Variants in DNM3 observed in about 807,000 individuals in gnomAD.
The protein encoded by DNM3 is dynamin-3.
Under a neutral mutation model 101.6 loss-of-function variants are expected in DNM3, and 47 were observed. That is an observed-to-expected ratio of 0.46 (90% CI 0.37 to 0.59). DNM3 has a LOEUF of 0.59. Ranked by LOEUF, DNM3 falls within the 20% of genes least tolerant of loss-of-function variation. The pLI is 0.00. For synonymous variants in DNM3, 385 were observed against 387.9 expected (o/e 0.99, Z 0.09); for missense variants, 849 against 1,085.7 (o/e 0.78, Z 3.06).
chr1:172,253,505 C>T, intron 14 of DNM3, 68 bp from the exon 15 acceptor site: 2 of 496,364 alleles, frequency 4.0e-6, no homozygotes, highest in Non-Finnish European at 6.2e-6. Flanking sequence ...CTCTCCTCTC[C>T]TCTCCTCTCC....
chr1:172,330,019 T>A (rs544840287), intron 17 of DNM3, among the ~76,000 whole-genome samples: 10 of 152,350 alleles, frequency 6.6e-5, no homozygotes, highest in African/African-American at 2.4e-4. Flanking sequence ...CCTCCTTGTG[T>A]ACCACACATG....
At chr1:172,155,143 G>A (rs912104784) in intron 14 of DNM3, among the ~76,000 whole-genome samples, 12 of 151,996 alleles carry the variant, frequency 7.9e-5, no homozygotes, top group Non-Finnish European at 1.5e-4. Context: ...AAGATAAAAT[G>A]TATTGTGATT....
intron 14 of DNM3, among the ~76,000 whole-genome samples, chr1:172,185,453 T>C (rs890684483): frequency 6.6e-6 from 1 of 152,104 alleles, no homozygotes; most frequent in Non-Finnish European, 1.5e-5. Context: ...TAGCTCTCTA[T>C]TGGAAACCAT....
At chr1:172,171,365 T>C (rs1420202807) in intron 14 of DNM3, among the ~76,000 whole-genome samples, 1 of 151,778 alleles carries the variant, frequency 6.6e-6, no homozygotes, top group Non-Finnish European at 1.5e-5. Flanking sequence ...TATTTTTAAA[T>C]GGAATTGAAT....
In DNM3 at chr1:172,145,064, A is replaced by G. The variant is rs549788185; in HGVS notation, c.1659+13776A>G. Among the ~76,000 whole-genome samples, 7 of 143,060 alleles carry G rather than the reference A, an allele frequency of 4.9e-5. No individual in the cohort carries two copies. The East Asian group carries it at 9.8e-4, about 20-fold the overall frequency. 93.9% of individuals were successfully genotyped at this position (143,060 alleles called of 152,430 possible). Reference sequence around the variant, plus strand: ...GTGGGCCCCAGTATGGAAAAGCTGTAAAAAAAAAAGAGTCAAGATGTACAG... The same window carrying G: ...GTGGGCCCCAGTATGGAAAAGCTGTGAAAAAAAAAGAGTCAAGATGTACAG... On this transcript the variant is annotated intron_variant, in intron 14 of 20. Coordinates refer to ENST00000627582, the MANE Select transcript of DNM3 (RefSeq NM_015569.5).
chr1:171,902,724 A>G (rs1487567525), intron 1 of DNM3, among the ~76,000 whole-genome samples: 3 of 152,038 alleles, frequency 2.0e-5, no homozygotes, highest in African/African-American at 7.3e-5. Context: ...GTTGGTGATG[A>G]CATGTTATGA....
chr1:171,939,343 C>T (rs2041664194), intron 2 of DNM3, among the ~76,000 whole-genome samples: 1 of 152,118 alleles, frequency 6.6e-6, no homozygotes, highest in South Asian at 2.1e-4. Flanking sequence ...AGTAGAATTA[C>T]CACTCATGAT....
At chr1:171,942,830 G>A (rs2041910835) in intron 2 of DNM3, among the ~76,000 whole-genome samples, 1 of 152,150 alleles carries the variant, frequency 6.6e-6, no homozygotes. Flanking sequence ...GCCAGTGCAA[G>A]GCTGGGTGCA....
chr1:171,923,387 A>G lies in DNM3; in HGVS notation c.235+1566A>G, dbSNP rs541480871. On this transcript the variant is annotated intron_variant, in intron 2 of 20. Coordinates refer to ENST00000627582, the MANE Select transcript of DNM3 (RefSeq NM_015569.5). Reference sequence around the variant, plus strand: ...TTTGCCTTTGTATTACTGAATTGTAACAGATATATATTAAATACAAGTCCC... The same window carrying G: ...TTTGCCTTTGTATTACTGAATTGTAGCAGATATATATTAAATACAAGTCCC... Among the ~76,000 whole-genome samples, 7 of 152,236 alleles carry G rather than the reference A, an allele frequency of 4.6e-5. No homozygotes were observed. In the East Asian group the frequency reaches 1.4e-3, roughly 29 times the overall value.
chr1:172,070,191 G>C (rs1250398626), intron 11 of DNM3, among the ~76,000 whole-genome samples: 2 of 152,134 alleles, frequency 1.3e-5, no homozygotes, highest in African/African-American at 4.8e-5. Flanking sequence ...AGCTGCAATA[G>C]CCAAAAGAGG....
intron 19 of DNM3, among the ~76,000 whole-genome samples, chr1:172,388,183 G>A (rs6684850): frequency 0.081 from 12,260 of 151,758 alleles, 555 homozygotes; most frequent in South Asian, 0.14. Flanking sequence ...GCAGTGAGCC[G>A]AGATCACGCC....
At chr1:172,072,893 A>G (rs192483142) in intron 11 of DNM3, among the ~76,000 whole-genome samples, 7 of 151,978 alleles carry the variant, frequency 4.6e-5, no homozygotes, top group Admixed American at 3.9e-4. Context: ...CTCAAAAAAC[A>G]ACAACAAAAA....
chr1:171,851,563 G>A (rs897422980), intron 1 of DNM3, among the ~76,000 whole-genome samples: 3 of 152,226 alleles, frequency 2.0e-5, no homozygotes, highest in South Asian at 2.1e-4. Context: ...ACAGGAGTGC[G>A]CCACCACACC....
chr1:171,952,743 A>G (rs1159683715), intron 2 of DNM3, among the ~76,000 whole-genome samples: 2 of 152,220 alleles, frequency 1.3e-5, no homozygotes, highest in Admixed American at 6.5e-5. Flanking sequence ...TATTTTGAAG[A>G]GAGTTATTTT....
chr1:172,238,275 C>T (rs1402829252), intron 14 of DNM3, among the ~76,000 whole-genome samples: 1 of 152,118 alleles, frequency 6.6e-6, no homozygotes, highest in African/African-American at 2.4e-5. Flanking sequence ...CCTACACTTC[C>T]TGGTTTAAGG....
intron 20 of DNM3, among the ~76,000 whole-genome samples, chr1:172,398,931 G>A (rs928659483): frequency 4.6e-5 from 7 of 152,082 alleles, no homozygotes; most frequent in African/African-American, 1.4e-4. Context: ...AGATTAAAAC[G>A]GATTGGTTGA....
At chr1:172,247,339 C>T (rs1017412689) in intron 14 of DNM3, among the ~76,000 whole-genome samples, 1 of 152,060 alleles carries the variant, frequency 6.6e-6, no homozygotes. Flanking sequence ...ATAGAGAACA[C>T]ACATGGAATG....
intron 1 of DNM3, among the ~76,000 whole-genome samples, chr1:171,866,796 A>G (rs2034791773): frequency 6.6e-6 from 1 of 152,010 alleles, no homozygotes; most frequent in African/African-American, 2.4e-5. Context: ...GCATCATGTT[A>G]TCTGGGTCCT....
intron 17 of DNM3, among the ~76,000 whole-genome samples, chr1:172,350,766 C>G (rs2067169801): frequency 6.6e-6 from 1 of 152,134 alleles, no homozygotes; most frequent in Non-Finnish European, 1.5e-5. Flanking sequence ...TACATGGAGG[C>G]AGGCAGCTGT....
Sources: allele counts gnomAD v4.1 joint callset (sites outside exome capture counted in the v4.1 genomes callset), GRCh38; gene constraint gnomAD v4.1.1; transcripts MANE v1.5; gene names NCBI Gene and HGNC (gene_info 2026-07-23, HGNC 2026-07-21).